The following DMD variants were observed in gnomAD, a reference collection of about 807,000 sequenced individuals.
DMD encodes mutant dystrophin.
In DMD, 63 loss-of-function variants were observed where a neutral mutation model predicts 330.1. The observed-to-expected ratio is 0.19, with a 90% CI of 0.16 to 0.24. DMD has a LOEUF of 0.24. Ranked by LOEUF, DMD falls within the 10% of genes least tolerant of loss-of-function variation. The pLI, the probability that DMD is intolerant of heterozygous loss-of-function variation, is 1.00. For missense variants in DMD, 3,344 were observed against 2,684.1 expected (o/e 1.25, Z -5.43); for synonymous variants, 1,223 against 959.8 (o/e 1.27, Z -5.07).
intron 55 of DMD, among the ~76,000 whole-genome samples, chrX:31,611,198 A>C (rs2077897651): frequency 9.1e-6 from 1 of 110,079 alleles, no homozygotes; most frequent in Non-Finnish European, 1.9e-5. Context: ...ACATATGCAG[A>C]TTCCACGACC....
At chrX:31,413,078 A>G (rs1268582490) in intron 60 of DMD, among the ~76,000 whole-genome samples, 1 of 112,113 alleles carries the variant, frequency 8.9e-6, no homozygotes, top group Non-Finnish European at 1.9e-5. Context: ...CTGTCAATGT[A>G]TTATGATTTT....
chrX:32,797,012 G>T (rs959916882), intron 7 of DMD, among the ~76,000 whole-genome samples: 5 of 111,826 alleles, frequency 4.5e-5, no homozygotes, highest in Non-Finnish European at 9.4e-5. Context: ...TTTATATATA[G>T]AAATTATTTA....
intron 60 of DMD, among the ~76,000 whole-genome samples, chrX:31,374,601 TCATAGGTGGGAATTGAACAATGAGAACA>T (rs1411277308): frequency 2.9e-4 from 27 of 94,192 alleles, no homozygotes; most frequent in African/African-American, 1.0e-3. Flanking sequence ...ATGTTCTCAC[TCATAGGTGGGAATTGAACAATGAGAACA>T]CATGGACACA....
chrX:32,841,103 T>G (rs2080121365), intron 4 of DMD, among the ~76,000 whole-genome samples: 1 of 111,819 alleles, frequency 8.9e-6, no homozygotes, highest in African/African-American at 3.2e-5. Flanking sequence ...TGTACTGGTA[T>G]CTCATTACAG....
At chrX:31,778,565 A>T (rs868607202) in intron 50 of DMD, among the ~76,000 whole-genome samples, 5 of 63,045 alleles carry the variant, frequency 7.9e-5, no homozygotes, top group Middle Eastern at 0.013. Flanking sequence ...AAGTCCTGAA[A>T]TTTTTTTTTT....
intron 43 of DMD, among the ~76,000 whole-genome samples, chrX:32,262,920 A>G (rs964696240): frequency 1.2e-4 from 13 of 111,442 alleles, no homozygotes; most frequent in African/African-American, 4.2e-4. Flanking sequence ...AAGATCTTCC[A>G]TTTCACTGCA....
intron 64 of DMD, 106 bp from the exon 65 acceptor site, chrX:31,209,805 T>A: frequency 5.3e-6 from 4 of 756,998 alleles, no homozygotes; most frequent in Non-Finnish European, 8.0e-6. Context: ...TACCCTTTAA[T>A]AAACACCAAA....
chrX:31,770,355 C>T (rs1235708089), intron 51 of DMD, among the ~76,000 whole-genome samples: 2 of 111,591 alleles, frequency 1.8e-5, no homozygotes, highest in African/African-American at 6.5e-5. Flanking sequence ...ATTATTTAGC[C>T]CCAGTCCTCT....
intron 2 of DMD, among the ~76,000 whole-genome samples, chrX:32,902,170 C>CAA (rs2086319495): frequency 9.8e-6 from 1 of 102,308 alleles, no homozygotes; most frequent in Non-Finnish European, 1.9e-5. Flanking sequence ...CACACACACA[C>CAA]ACACACACAC....
rs780328121 is a variant in DMD, at chrX:32,929,112, A to G, written c.94-79292T>C. On this transcript the variant is annotated intron_variant, in intron 2 of 78. Coordinates refer to ENST00000357033, the MANE Select transcript of DMD (RefSeq NM_004006.3). ...CAGTGGTGCTTAATAGAAAGGGGAA[A>G]GAGTCATGAAGAGCTGGTTTATGTG... Among the ~76,000 whole-genome samples the G allele has an allele frequency of 2.6e-4, 29 of 111,465 alleles. No individual in the cohort carries two copies. The South Asian group carries it at 0.01, about 40-fold the overall frequency.
At chrX:32,814,904 T>C (rs1476764153) in intron 6 of DMD, among the ~76,000 whole-genome samples, 1 of 111,708 alleles carries the variant, frequency 9.0e-6, no homozygotes, top group Non-Finnish European at 1.9e-5. Context: ...TGCAAATGTG[T>C]ACATGAACAG....
At chrX:33,085,008 A>T (rs2094984210) in intron 1 of DMD, among the ~76,000 whole-genome samples, 1 of 111,102 alleles carries the variant, frequency 9.0e-6, no homozygotes. Context: ...TGGTGAGTTA[A>T]TTGTTATCAG....
intron 7 of DMD, among the ~76,000 whole-genome samples, chrX:32,743,529 C>A (rs771577502): frequency 2.1e-4 from 23 of 111,228 alleles, no homozygotes; most frequent in African/African-American, 6.9e-4. Flanking sequence ...TATTTGTACT[C>A]TTTCTGGTTA....
intron 51 of DMD, among the ~76,000 whole-genome samples, chrX:31,750,733 A>T (rs1228497054): frequency 1.8e-5 from 2 of 108,699 alleles, no homozygotes; most frequent in African/African-American, 6.7e-5. Flanking sequence ...ACATGATTGT[A>T]TATCTAGAAA....
intron 2 of DMD, among the ~76,000 whole-genome samples, chrX:32,880,692 C>T (rs1412645170): frequency 2.7e-5 from 3 of 112,685 alleles, no homozygotes; most frequent in Non-Finnish European, 5.6e-5. Context: ...CGCCTGTAAT[C>T]CCAGCACTTT....
intron 7 of DMD, among the ~76,000 whole-genome samples, chrX:32,796,033 T>C (rs1198366229): frequency 3.6e-5 from 4 of 111,539 alleles, no homozygotes; most frequent in African/African-American, 6.5e-5. Context: ...ATAGCCACTA[T>C]TGAAAACAGT....
At chrX:32,760,928 T>C (rs2072197887) in intron 7 of DMD, among the ~76,000 whole-genome samples, 1 of 111,498 alleles carries the variant, frequency 9.0e-6, no homozygotes, top group African/African-American at 3.3e-5. Flanking sequence ...ATTGGTGCTT[T>C]TGCCTTGCTA....
At chrX:32,644,652 A>G (rs1012223060) in intron 10 of DMD, among the ~76,000 whole-genome samples, 2 of 110,480 alleles carry the variant, frequency 1.8e-5, no homozygotes, top group African/African-American at 6.6e-5. Flanking sequence ...CATCTCAGGA[A>G]AAGTCTCCCA....
Position 32,518,146 on chromosome X carries a change from A to C in DMD, c.2169-15T>G. ...CAACATCCAACCTAAGACAGCAAAA[A>C]ATAAAAGTCATTATTTCTTGATTAT... On this transcript the variant is annotated splice_polypyrimidine_tract_variant and intron_variant, in intron 17 of 78. Transcript: ENST00000357033. 1 of 1,198,466 alleles carries C rather than the reference A, an allele frequency of 8.3e-7. No homozygotes were observed. The highest frequency in any genetic ancestry group is 1.1e-6 in the Non-Finnish European group (1 of 884,572).
Sources: allele counts gnomAD v4.1 joint callset (sites outside exome capture counted in the v4.1 genomes callset), GRCh38; gene constraint gnomAD v4.1.1; transcripts MANE v1.5; gene names NCBI Gene and HGNC (gene_info 2026-07-23, HGNC 2026-07-21).